Variants in GSAP observed in about 807,000 individuals in gnomAD.
GSAP encodes the protein gamma-secretase-activating protein.
A neutral mutation model predicts 131.7 loss-of-function variants in GSAP; 118 were observed. That is an observed-to-expected ratio of 0.90 (90% CI 0.77 to 1.04). The LOEUF (loss-of-function observed/expected upper bound fraction) is 1.04. Ranked by LOEUF, GSAP falls within the 50% of genes least tolerant of loss-of-function variation. GSAP has a pLI of 0.00. For synonymous variants in GSAP, 381 were observed against 363.4 expected (o/e 1.05, Z -0.55); for missense variants, 1,019 against 1,013.2 (o/e 1.01, Z -0.08).
At chr7:77,387,522 G>T (rs563679688) in intron 5 of GSAP, 74 bp from the exon 6 acceptor site, 14 of 816,068 alleles carry the variant, frequency 1.7e-5, no homozygotes, top group Non-Finnish European at 2.8e-5. Flanking sequence ...CAAGGAGTAA[G>T]AACAATTTCC....
chr7:77,374,547 C>G (rs530631537), intron 11 of GSAP, among the ~76,000 whole-genome samples: 1 of 151,544 alleles, frequency 6.6e-6, no homozygotes, highest in South Asian at 2.1e-4. Context: ...TATTGATGGC[C>G]TTATGCTTAT....
chr7:77,313,593 T>C (rs1419973578), intron 27 of GSAP, 44 bp from the exon 28 acceptor site: 2 of 926,154 alleles, frequency 2.2e-6, no homozygotes, highest in East Asian at 2.4e-5. Context: ...AATACCCATT[T>C]TGATACTTTA....
At chr7:77,382,527 A>G in intron 7 of GSAP, 47 bp downstream of exon 7, 1 of 961,980 alleles carries the variant, frequency 1.0e-6, no homozygotes. Flanking sequence ...CTAGGAGACG[A>G]TATGCCATTC....
chr7:77,378,940 C>T (rs1797379367), intron 8 of GSAP, among the ~76,000 whole-genome samples: 1 of 152,148 alleles, frequency 6.6e-6, no homozygotes, highest in African/African-American at 2.4e-5. Context: ...CTAAACCCTC[C>T]CTAATCCTAA....
chr7:77,384,609 A>T (rs1311219164), intron 6 of GSAP, among the ~76,000 whole-genome samples: 8 of 151,916 alleles, frequency 5.3e-5, no homozygotes, highest in Non-Finnish European at 7.4e-5. Flanking sequence ...TACCCACTGG[A>T]ACTATCTTGA....
intron 14 of GSAP, among the ~76,000 whole-genome samples, chr7:77,358,837 T>C (rs1031954345): frequency 6.6e-6 from 1 of 152,196 alleles, no homozygotes; most frequent in Non-Finnish European, 1.5e-5. Flanking sequence ...AAACACTTGA[T>C]AAAGTTTTAG....
At position 77,376,885 on chromosome 7, in the gene GSAP, C is replaced by T. The variant is rs748204633; in HGVS notation, c.704G>A (p.Cys235Tyr). 1.4e-6 allele frequency: 2 copies of T among 1,475,856 alleles called. No homozygotes were observed. Among genetic ancestry groups the T allele is most frequent in the South Asian group, 2.5e-5 (2 of 80,790 alleles). The allele number at this position is 1,475,856 out of a possible 1,614,324, so 91.4% of individuals were successfully genotyped here. A position where few individuals can be genotyped will look rare whatever the true frequency, so the allele number is the denominator to read the frequency against. ...GCTCTCATCAGCATAAAACTGGATA[C>T]ATTTTAAGATACTCCTTGATTTCTA... The part of the protein sequence containing the change: ...DLKKSRSILK[C>Y]IQFYADESYN... The change falls in exon 10 of 31, where the codon TGT (cysteine) becomes TAT (tyrosine). Residue 235 changes from cysteine to tyrosine, a missense_variant. Cys to Tyr is a radical substitution (Grantham distance 194). Coordinates refer to ENST00000257626, the MANE Select transcript of GSAP (RefSeq NM_017439.4).
intron 19 of GSAP, among the ~76,000 whole-genome samples, chr7:77,344,756 A>G (rs1791534671): frequency 6.6e-6 from 1 of 151,766 alleles, no homozygotes; most frequent in South Asian, 2.1e-4. Context: ...TTACTTTTAT[A>G]CTCATTATTA....
chr7:77,318,434 A>C (rs1373789274), intron 26 of GSAP, among the ~76,000 whole-genome samples: 1 of 152,252 alleles, frequency 6.6e-6, no homozygotes, highest in African/African-American at 2.4e-5. Flanking sequence ...GCCTAAAATG[A>C]AGCAATGAAC....
chr7:77,389,236 GTA>G (rs1417216825), intron 5 of GSAP, among the ~76,000 whole-genome samples: 1 of 151,778 alleles, frequency 6.6e-6, no homozygotes, highest in East Asian at 1.9e-4. Context: ...GTGTGTGTAT[GTA>G]TGTGTGTGTG....
At chr7:77,415,235 T>C (rs375350441) in intron 1 of GSAP, among the ~76,000 whole-genome samples, 9 of 152,192 alleles carry the variant, frequency 5.9e-5, no homozygotes, top group South Asian at 4.1e-4. Context: ...CAACTTGATA[T>C]ATAACTCACA....
chr7:77,312,861 T>C (rs1794556405), intron 28 of GSAP, among the ~76,000 whole-genome samples: 1 of 152,160 alleles, frequency 6.6e-6, no homozygotes, highest in African/African-American at 2.4e-5. Flanking sequence ...GGTCAGGAAG[T>C]TTGCAGAGTT....
intron 12 of GSAP, among the ~76,000 whole-genome samples, chr7:77,373,003 G>A (rs1419891900): frequency 1.3e-5 from 2 of 152,170 alleles, no homozygotes; most frequent in South Asian, 2.1e-4. Flanking sequence ...GGAAAAAGAG[G>A]AATGGATTAT....
At chr7:77,385,691 A>G (rs1452376002) in intron 6 of GSAP, among the ~76,000 whole-genome samples, 2 of 152,104 alleles carry the variant, frequency 1.3e-5, no homozygotes, top group African/African-American at 4.8e-5. Context: ...GGAATTGAGG[A>G]GCGACCACAG....
At chr7:77,412,413 A>G (rs555404357) in intron 1 of GSAP, among the ~76,000 whole-genome samples, 3 of 152,320 alleles carry the variant, frequency 2.0e-5, no homozygotes, top group Admixed American at 1.3e-4. Context: ...AAAGCTTCCA[A>G]AAGTTAATAC....
intron 19 of GSAP, among the ~76,000 whole-genome samples, chr7:77,336,239 G>A (rs1489674618): frequency 1.3e-5 from 2 of 152,054 alleles, no homozygotes; most frequent in East Asian, 3.9e-4. Flanking sequence ...CTCACAATCA[G>A]CTTATGCCCT....
At chr7:77,398,958 G>A (rs1412678405) in intron 3 of GSAP, among the ~76,000 whole-genome samples, 2 of 152,168 alleles carry the variant, frequency 1.3e-5, no homozygotes, top group Non-Finnish European at 2.9e-5. Flanking sequence ...GTAACAACAT[G>A]TTTTGGAGAG....
At chr7:77,364,734 A>G (rs1278526296) in intron 12 of GSAP, among the ~76,000 whole-genome samples, 1 of 152,228 alleles carries the variant, frequency 6.6e-6, no homozygotes, top group Non-Finnish European at 1.5e-5. Context: ...AACCATATCC[A>G]GAACTTATAA....
At position 77,397,119 on chromosome 7, in the gene GSAP, T is replaced by C. The variant is rs1288624778; in HGVS notation, c.314-84A>G. The C allele has an allele frequency of 2.3e-5, 20 of 885,426 alleles. No individual in the cohort carries two copies. In the Middle Eastern group the frequency reaches 6.5e-4, roughly 29 times the overall value. The allele number at this position is 885,426 out of a possible 1,614,324, so 54.8% of individuals were successfully genotyped here. A position where few individuals can be genotyped will look rare whatever the true frequency, so the allele number is the denominator to read the frequency against. ...TTTACCAGTTTAAACCTGAAATAGA[T>C]GAGGGCTCAAAGGATATGTCAACGG... is the stretch of plus-strand genomic sequence containing the variant. On this transcript the variant is annotated intron_variant, in intron 4 of 30. Coordinates refer to ENST00000257626, the MANE Select transcript of GSAP (RefSeq NM_017439.4).
Sources: allele counts gnomAD v4.1 joint callset (sites outside exome capture counted in the v4.1 genomes callset), GRCh38; gene constraint gnomAD v4.1.1; transcripts MANE v1.5; gene names NCBI Gene and HGNC (gene_info 2026-07-23, HGNC 2026-07-21).